Variants in GPAT4 observed in about 807,000 individuals in gnomAD.
GPAT4 encodes 1-AGP acyltransferase 6.
In GPAT4, 17 loss-of-function variants were observed where a neutral mutation model predicts 58.0. That is an observed-to-expected ratio of 0.29 (90% confidence interval 0.20 to 0.44). The LOEUF (loss-of-function observed/expected upper bound fraction) is 0.44. GPAT4 is among the 20% of genes least tolerant of loss of function. The pLI is 1.00. For missense variants in GPAT4, 377 were observed against 574.5 expected, an observed-to-expected ratio of 0.66 and a Z score of 3.51; for synonymous variants, 204 against 210.1, an observed-to-expected ratio of 0.97 and a Z score of 0.25.
intron 1 of GPAT4, among the ~76,000 whole-genome samples, chr8:41,594,261 A>C (rs1387142063): frequency 3.9e-5 from 6 of 152,202 alleles, no homozygotes; most frequent in Non-Finnish European, 1.5e-5. Context: ...TTTTCTTTAC[A>C]ATTAACGTTT....
intron 2 of GPAT4, among the ~76,000 whole-genome samples, chr8:41,605,549 TG>T (rs1473642206): frequency 0.2 from 182 of 890 alleles, 2 homozygotes; most frequent in East Asian, 0.48. Flanking sequence ...GGTTGTGTTT[TG>T]TTTGTTTGTT....
At chr8:41,578,614 G>C (rs1469269726) in intron 1 of GPAT4, 1 of 152,308 alleles carries the variant, frequency 6.6e-6, no homozygotes, top group Non-Finnish European at 1.5e-5. Context: ...GGAGTCCGGG[G>C]ATGTGGGTGG....
intron 1 of GPAT4, among the ~76,000 whole-genome samples, chr8:41,589,579 A>T (rs764269728): frequency 3.9e-5 from 6 of 151,902 alleles, no homozygotes; most frequent in Non-Finnish European, 7.4e-5. Context: ...TAAGAATGTA[A>T]AAACTCATGA....
At chr8:41,593,173 A>AT (rs1348008946) in intron 1 of GPAT4, among the ~76,000 whole-genome samples, 1 of 152,136 alleles carries the variant, frequency 6.6e-6, no homozygotes, top group Non-Finnish European at 1.5e-5. Context: ...TGTTCTGGCT[A>AT]ATACTTTACT....
chr8:41,605,052 G>GAAAT (rs1803221315), intron 2 of GPAT4, among the ~76,000 whole-genome samples: 1 of 152,174 alleles, frequency 6.6e-6, no homozygotes, highest in South Asian at 2.1e-4. Context: ...AAGACGAAAG[G>GAAAT]AAATAGCTCC....
In GPAT4 at chr8:41,591,103, C is replaced by T. The variant is rs143419613; in HGVS notation, c.-848-7189C>T. Among the ~76,000 whole-genome samples the T allele has an allele frequency of 5.4e-4, 82 of 152,090 alleles. 2 individuals are homozygous for T. The East Asian group carries it at 0.012, about 23-fold the overall frequency. On this transcript the variant is annotated intron_variant, in intron 1 of 12. Coordinates refer to ENST00000396987, the MANE Select transcript of GPAT4 (RefSeq NM_178819.4). The stretch of plus-strand genomic sequence containing the variant: ...GGGCTTACAACTCTAAGGGGTTCCA[C>T]GTGAGAGGGTTGTGATCGATTGGGC...
chr8:41,581,975 A>G (rs1433557840), intron 1 of GPAT4, among the ~76,000 whole-genome samples: 1 of 142,700 alleles, frequency 7.0e-6, no homozygotes, highest in Non-Finnish European at 1.5e-5. Context: ...GGAAGCTTAA[A>G]TCAAGGGAAG....
chr8:41,603,819 T>G (rs1336973000), intron 2 of GPAT4, among the ~76,000 whole-genome samples: 4 of 152,116 alleles, frequency 2.6e-5, no homozygotes, highest in Non-Finnish European at 5.9e-5. Flanking sequence ...CCCAGCTCAG[T>G]GAGGCCCTGA....
At chr8:41,595,665 A>G (rs917877926) in intron 1 of GPAT4, among the ~76,000 whole-genome samples, 6 of 152,054 alleles carry the variant, frequency 3.9e-5, no homozygotes, top group African/African-American at 1.4e-4. Context: ...AATAGGGTAC[A>G]CTTTTTTTCT....
intron 1 of GPAT4, among the ~76,000 whole-genome samples, chr8:41,589,011 T>G (rs1038832046): frequency 4.6e-5 from 7 of 152,212 alleles, no homozygotes; most frequent in African/African-American, 1.4e-4. Flanking sequence ...GCTCACATTC[T>G]TAAGGGGTCA....
chr8:41,598,956 T>G lies in GPAT4; in HGVS notation c.-184T>G. 1.3e-6 allele frequency: 1 copy of G among 756,890 alleles called. No homozygotes were observed. Among genetic ancestry groups the G allele is most frequent in the Non-Finnish European group, 2.1e-6 (1 of 479,782 alleles). The allele number at this position is 756,890 out of a possible 1,614,324, so 46.9% of individuals were successfully genotyped here. On this transcript the variant is annotated 5_prime_UTR_variant, in exon 2 of 13. Transcript: ENST00000396987. ...TTGCAGTTGCCTCCTGTGGCCGTGT[T>G]TTTCTGTCATTCTGTTCCCAGGCCT...
intron 6 of GPAT4, 41 bp downstream of exon 6, chr8:41,612,033 C>T (rs777488202): frequency 1.2e-6 from 2 of 1,606,296 alleles, no homozygotes; most frequent in East Asian, 2.2e-5. Context: ...GATGGCGCTG[C>T]AGGAAACACC....
intron 10 of GPAT4, among the ~76,000 whole-genome samples, chr8:41,615,450 T>TG (rs1563279443): frequency 1.7e-3 from 105 of 61,106 alleles, no homozygotes; most frequent in Non-Finnish European, 2.4e-3. Flanking sequence ...GCCATGAGGA[T>TG]TGGGGGGGGG....
intron 1 of GPAT4, among the ~76,000 whole-genome samples, chr8:41,590,990 G>A (rs1175016438): frequency 2.0e-5 from 3 of 152,160 alleles, no homozygotes; most frequent in Non-Finnish European, 4.4e-5. Flanking sequence ...AGTTGTAGAA[G>A]GAAAGGGTTT....
In GPAT4 at chr8:41,610,237, T is replaced by G. The variant is rs1803402376; in HGVS notation, c.536+282T>G. 4.6e-6 allele frequency: 6 copies of G among 1,304,486 alleles called. No homozygotes were observed. The South Asian group carries it at 1.1e-4, about 24-fold the overall frequency. 80.8% of individuals were successfully genotyped at this position (1,304,486 alleles called of 1,614,324 possible). A position where few individuals can be genotyped will look rare whatever the true frequency, so the allele number is the denominator to read the frequency against. On this transcript the variant is annotated intron_variant, in intron 4 of 12. Transcript: ENST00000396987. The stretch of plus-strand genomic sequence containing the variant: ...GGGAACATTGTGTGCTTTCTGCCAC[T>G]CCTTCCTGGACATGGCTCATTCTTT...
intron 1 of GPAT4, among the ~76,000 whole-genome samples, chr8:41,585,974 A>C (rs1802644788): frequency 6.6e-6 from 1 of 152,250 alleles, no homozygotes; most frequent in Admixed American, 6.5e-5. Flanking sequence ...AGCTTTATTG[A>C]GATACAATTC....
At chr8:41,610,192 T>C in intron 4 of GPAT4, 1 of 1,370,418 alleles carries the variant, frequency 7.3e-7, no homozygotes, top group Non-Finnish European at 9.4e-7. Context: ...CTTCTCTAGA[T>C]GACAGCAAAC....
rs1803016468 is a variant in GPAT4, at chr8:41,599,239, G to A, written c.100G>A (p.Ala34Thr). 6.2e-7 allele frequency: 1 copy of A among 1,614,062 alleles called. No individual in the cohort carries two copies. Among genetic ancestry groups the A allele is most frequent in the African/African-American group, 1.3e-5 (1 of 75,028 alleles). The change falls in exon 2 of 13, where the codon GCC (alanine) becomes ACC (threonine). Residue 34 changes from alanine to threonine, a missense_variant. Physicochemically the swap from Ala to Thr is moderately conservative, Grantham distance 58. Coordinates refer to ENST00000396987, the MANE Select transcript of GPAT4 (RefSeq NM_178819.4). ...CCTTCTCGTTTTCATCATAGTGCCA[G>A]CCATTTTTGGAGTCTCCTTTGGTAT... ...TLLLVFIIVP[A>T]IFGVSFGIRK...
intron 1 of GPAT4, among the ~76,000 whole-genome samples, chr8:41,578,892 T>C (rs1802435950): frequency 6.6e-6 from 1 of 152,214 alleles, no homozygotes; most frequent in Non-Finnish European, 1.5e-5. Flanking sequence ...GTTCAGAAGT[T>C]GCAGAAAATA....
Sources: allele counts gnomAD v4.1 joint callset (sites outside exome capture counted in the v4.1 genomes callset), GRCh38; gene constraint gnomAD v4.1.1; transcripts MANE v1.5; gene names NCBI Gene and HGNC (gene_info 2026-07-23, HGNC 2026-07-21).